The following KPNA7 variants were observed in gnomAD, a reference collection of about 807,000 sequenced individuals.
KPNA7 encodes importin subunit alpha-8.
KPNA7 carries 54 observed loss-of-function variants against 53.7 expected under a neutral mutation model. The observed-to-expected ratio is 1.01, with a 90% CI of 0.81 to 1.26. The LOEUF (loss-of-function observed/expected upper bound fraction) is 1.26, where lower values mean the gene tolerates loss of function less well. Ranked by LOEUF, KPNA7 falls within the 50% of genes most tolerant of loss-of-function variation. The pLI is 0.00. For synonymous variants in KPNA7, 276 were observed against 259.3 expected (o/e 1.06, Z -0.62); for missense variants, 640 against 644.5 (o/e 0.99, Z 0.07).
intron 8 of KPNA7, among the ~76,000 whole-genome samples, chr7:99,184,022 T>C (rs1311975084): frequency 6.6e-6 from 1 of 151,682 alleles, no homozygotes; most frequent in Non-Finnish European, 1.5e-5. Flanking sequence ...TAATTTTTTG[T>C]GTTTTTAGTA....
chr7:99,151,703 T>C, the KPNA7 span, among the ~76,000 whole-genome samples: 11 of 151,956 alleles, frequency 7.2e-5, no homozygotes, highest in Non-Finnish European at 1.3e-4. Flanking sequence ...GCAGTCCTCC[T>C]GCCTCAGCCT....
upstream of KPNA7, among the ~76,000 whole-genome samples, chr7:99,211,542 A>C (rs1307548277): frequency 6.6e-6 from 1 of 152,230 alleles, no homozygotes; most frequent in African/African-American, 2.4e-5. Flanking sequence ...ATGAAGAATT[A>C]GCAAAGAACC....
Position 99,201,228 on chromosome 7 carries a change from G to A in KPNA7, c.201+1878C>T, listed in dbSNP as rs74317459. 4.2e-3 allele frequency among the ~76,000 whole-genome samples: 633 copies of A among 152,228 alleles called. 2 individuals carry two copies. The highest frequency in any genetic ancestry group is 0.014 in the African/African-American group (588 of 41,522). On this transcript the variant is annotated intron_variant, in intron 3 of 10. Coordinates refer to ENST00000327442, the MANE Select transcript of KPNA7 (RefSeq NM_001145715.3). ...AATGGGGAGTGACTCCTGAATGACT[G>A]GAGTTTCTATTTGAGGTGATGAATA...
chr7:99,176,746 G>A (rs911170700), intron 10 of KPNA7, among the ~76,000 whole-genome samples: 7 of 152,118 alleles, frequency 4.6e-5, no homozygotes, highest in Admixed American at 3.9e-4. Flanking sequence ...CGGCATGGTG[G>A]TGCATGCCTG....
intron 7 of KPNA7, 72 bp downstream of exon 7, chr7:99,188,228 C>G (rs1789730078): frequency 8.2e-7 from 1 of 1,214,012 alleles, no homozygotes; most frequent in South Asian, 1.5e-5. Flanking sequence ...AGATGACAAA[C>G]CTTGCCCCAG....
the KPNA7 span, among the ~76,000 whole-genome samples, chr7:99,159,412 G>A: frequency 2.6e-5 from 4 of 151,054 alleles, no homozygotes; most frequent in African/African-American, 9.7e-5. Flanking sequence ...GGGGCAGGGG[G>A]CAGTTGGTCA....
chr7:99,170,694 G>A (rs1003830744), downstream of KPNA7, among the ~76,000 whole-genome samples: 1 of 152,162 alleles, frequency 6.6e-6, no homozygotes, highest in Non-Finnish European at 1.5e-5. Context: ...ATACTTGGAT[G>A]TACAGAAAAT....
downstream of KPNA7, among the ~76,000 whole-genome samples, chr7:99,170,321 G>A (rs1798749171): frequency 6.6e-6 from 1 of 152,174 alleles, no homozygotes; most frequent in Admixed American, 6.6e-5. Context: ...CTTGAAAAGG[G>A]AAGCCTGTGA....
Position 99,185,082 on chromosome 7 carries a change from C to T in KPNA7, c.981G>A (p.Leu327=). The T allele has an allele frequency of 6.4e-7, 1 of 1,551,968 alleles. No individual in the cohort carries two copies. The highest frequency in any genetic ancestry group is 1.4e-5 in the African/African-American group (1 of 73,168). ...QTQMAIDAGM[L]NVLPQLLQHN... is the part of the protein sequence containing the mutation. ...GTTGCAGGAGCTGGGGGAGCACGTT[C>T]AGCATACCCGCATCAATGGCCATCT... Residue 327 remains leucine, a synonymous_variant, in exon 8 of 11, where the codon CTG becomes CTA. Coordinates refer to ENST00000327442, the MANE Select transcript of KPNA7 (RefSeq NM_001145715.3).
the KPNA7 span, among the ~76,000 whole-genome samples, chr7:99,146,946 G>A: frequency 6.6e-6 from 1 of 152,200 alleles, no homozygotes; most frequent in Non-Finnish European, 1.5e-5. Context: ...TACTGAATGT[G>A]TGTCGCTTTC....
At chr7:99,173,866 G>A (rs928410561) in intron 10 of KPNA7, 72 bp from the exon 11 acceptor site, 16 of 906,174 alleles carry the variant, frequency 1.8e-5, no homozygotes, top group Non-Finnish European at 1.7e-5. Context: ...TTGGCAAGAT[G>A]CACCTTGTAA....
intron 2 of KPNA7, 61 bp downstream of exon 2, chr7:99,207,340 C>G (rs2150778652): frequency 6.9e-7 from 1 of 1,449,874 alleles, no homozygotes; most frequent in East Asian, 2.5e-5. Context: ...GTCTCTTCAC[C>G]CCGCTTTTTA....
intron 3 of KPNA7, among the ~76,000 whole-genome samples, chr7:99,199,088 A>G (rs1790379178): frequency 6.8e-6 from 1 of 148,142 alleles, no homozygotes; most frequent in South Asian, 2.1e-4. Context: ...AAAAAAAAAA[A>G]GGACTGAAAT....
chr7:99,146,892 A>G, the KPNA7 span, among the ~76,000 whole-genome samples: 23 of 152,308 alleles, frequency 1.5e-4, no homozygotes, highest in African/African-American at 5.3e-4. Context: ...TAAAGTTATT[A>G]TAAAGAATTT....
the KPNA7 span, among the ~76,000 whole-genome samples, chr7:99,153,112 C>T: frequency 1.3e-5 from 2 of 152,156 alleles, no homozygotes; most frequent in East Asian, 3.8e-4. Flanking sequence ...ATCTGTTGGA[C>T]TAACACATCT....
intron 7 of KPNA7, among the ~76,000 whole-genome samples, chr7:99,187,255 A>T (rs1789641719): frequency 1.3e-5 from 2 of 152,134 alleles, no homozygotes; most frequent in African/African-American, 4.8e-5. Flanking sequence ...GTACCACTGC[A>T]CTCCAGCCTG....
the KPNA7 span, among the ~76,000 whole-genome samples, chr7:99,165,923 T>C: frequency 6.6e-6 from 1 of 152,102 alleles, no homozygotes; most frequent in African/African-American, 2.4e-5. Flanking sequence ...TAGGAGGTGA[T>C]TGGATCATGG....
At chr7:99,190,669 G>T (rs11972306) in intron 6 of KPNA7, among the ~76,000 whole-genome samples, 11,539 of 112,718 alleles carry the variant, frequency 0.1, 1,435 homozygotes, top group African/African-American at 0.33. Context: ...TTTTTTTTTT[G>T]GGGGGAGACA....
Position 99,182,025 on chromosome 7 carries a change from G to C in KPNA7, c.1175C>G (p.Ala392Gly). The change falls in exon 9 of 11, where the codon GCG becomes GGG. Residue 392 changes from alanine (A) to glycine (G), a missense_variant. Coordinates refer to ENST00000327442, the MANE Select transcript of KPNA7 (RefSeq NM_001145715.3). ...CATGGTGGCCCCTGTTGCAAAGTTC[G>C]CCACCATCCAGACAGCCTCTTTCTG... ...KVQKEAVWMV[A>G]NFATGATMDQ... The C allele has an allele frequency of 6.5e-7, 1 of 1,546,966 alleles. No homozygotes were observed. The highest frequency in any genetic ancestry group is 8.7e-7 in the Non-Finnish European group (1 of 1,143,380).
Sources: gnomAD v4.1 joint callset for allele counts (sites outside exome capture counted in the v4.1 genomes callset) on GRCh38, gnomAD v4.1.1 for gene constraint, MANE v1.5 for transcripts, NCBI Gene and HGNC (gene_info 2026-07-23, HGNC 2026-07-21) for gene names.